Variants in RPRD1A observed in about 807,000 individuals in gnomAD.
RPRD1A encodes regulation of nuclear pre-mRNA domain containing 1A, also known as regulation of nuclear pre-mRNA domain-containing protein 1A.
Under a neutral mutation model 37.8 loss-of-function variants are expected in RPRD1A, and 9 were observed. The observed-to-expected ratio is 0.24, with a 90% confidence interval of 0.14 to 0.42. RPRD1A has a LOEUF of 0.42. RPRD1A is among the 10% of genes least tolerant of loss of function. The pLI is 1.00. For synonymous variants in RPRD1A, 138 were observed against 139.7 expected (o/e 0.99, Z 0.08); for missense variants, 255 against 371.0 (o/e 0.69, Z 2.57).
chr18:35,993,337 T>C (rs1201426769), intron 6 of RPRD1A, 37 bp from the exon 7 acceptor site: 4 of 1,608,678 alleles, frequency 2.5e-6, no homozygotes, highest in Middle Eastern at 1.7e-4. Flanking sequence ...CATTCAGGGA[T>C]TGAAAAAACT....
chr18:36,065,247 CAAAA>C (rs1456086614), intron 1 of RPRD1A, among the ~76,000 whole-genome samples: 1 of 152,162 alleles, frequency 6.6e-6, no homozygotes, highest in African/African-American at 2.4e-5. Flanking sequence ...TATCTATAAA[CAAAA>C]GAAGTACTGT....
intron 4 of RPRD1A, among the ~76,000 whole-genome samples, chr18:36,029,184 G>A (rs1013698276): frequency 2.6e-5 from 4 of 152,180 alleles, no homozygotes; most frequent in Non-Finnish European, 4.4e-5. Context: ...GACTCAGGTC[G>A]TGGCCTTGGT....
intron 6 of RPRD1A, among the ~76,000 whole-genome samples, chr18:36,003,723 G>A (rs753129323): frequency 1.4e-4 from 22 of 152,228 alleles, no homozygotes; most frequent in Middle Eastern, 3.4e-3. Context: ...TAAGAGGTTC[G>A]TATTTTAGTT....
At chr18:36,035,422 AGCCAAAAACATTATTT>A (rs1266666190) in intron 1 of RPRD1A, among the ~76,000 whole-genome samples, 7 of 152,182 alleles carry the variant, frequency 4.6e-5, no homozygotes, top group Admixed American at 3.3e-4. Context: ...GAACAAACAA[AGCCAAAAACATTATTT>A]GCCCTCAGGG....
intron 1 of RPRD1A, among the ~76,000 whole-genome samples, chr18:36,036,963 T>C (rs1425760699): frequency 1.3e-5 from 2 of 152,140 alleles, no homozygotes; most frequent in Non-Finnish European, 2.9e-5. Context: ...TTCCAAACCG[T>C]CCATTCAATT....
chr18:36,034,050 A>C (rs112389234), intron 1 of RPRD1A, among the ~76,000 whole-genome samples: 8 of 152,128 alleles, frequency 5.3e-5, no homozygotes, highest in African/African-American at 1.7e-4. Flanking sequence ...CATCTCGGTG[A>C]CTCTATCCTG....
chr18:36,030,162 T>C (rs112369555), intron 4 of RPRD1A, among the ~76,000 whole-genome samples: 4 of 151,840 alleles, frequency 2.6e-5, no homozygotes, highest in Non-Finnish European at 4.4e-5. Flanking sequence ...GCAGTGATTA[T>C]GTCCAAGAAT....
At chr18:36,028,762 A>G (rs186494176) in intron 4 of RPRD1A, among the ~76,000 whole-genome samples, 1 of 152,334 alleles carries the variant, frequency 6.6e-6, no homozygotes, top group African/African-American at 2.4e-5. Flanking sequence ...TAACACACAC[A>G]CAAAAATGAA....
intron 6 of RPRD1A, among the ~76,000 whole-genome samples, chr18:36,008,573 G>GTGTGTGTGTGTA (rs1555670666): frequency 2.7e-5 from 1 of 36,638 alleles, no homozygotes; most frequent in East Asian, 6.6e-4. Context: ...AAGACCTTGT[G>GTGTGTGTGTGTA]TGTGTATATA....
chr18:36,064,693 T>C (rs1223025924), intron 1 of RPRD1A, among the ~76,000 whole-genome samples: 6 of 152,136 alleles, frequency 3.9e-5, no homozygotes, highest in Non-Finnish European at 8.8e-5. Context: ...CAGCAGGACG[T>C]GGCTGGGGCC....
At chr18:36,025,725 T>G (rs1187591308) in intron 6 of RPRD1A, 1 of 1,042,316 alleles carries the variant, frequency 9.6e-7, no homozygotes, top group African/African-American at 1.7e-5. Flanking sequence ...ACTAAAAGAC[T>G]AAAGACAAAA....
rs142307160 is a variant in RPRD1A, at chr18:35,995,720, G to GA, written c.790-2421dup. Among the ~76,000 whole-genome samples, 1,192 of 152,298 alleles carry GA rather than the reference G, an allele frequency of 7.8e-3. 24 individuals are homozygous for GA. The highest frequency in any genetic ancestry group is 0.027 in the African/African-American group (1,129 of 41,564). On this transcript the variant is annotated intron_variant, in intron 6 of 6. Transcript: ENST00000399022. The stretch of plus-strand genomic sequence containing the variant: ...GACTGACTTCCAAAGAGTACAGTAT[G>GA]AAAAGGAGGGAAAAAAGATTAACTT...
chr18:36,017,818 A>G (rs1285864850), intron 6 of RPRD1A, among the ~76,000 whole-genome samples: 3 of 152,234 alleles, frequency 2.0e-5, no homozygotes, highest in East Asian at 3.8e-4. Context: ...AAGAATGAAC[A>G]CTGGCTTAAG....
intron 1 of RPRD1A, among the ~76,000 whole-genome samples, chr18:36,053,945 T>G (rs1913580890): frequency 6.6e-6 from 1 of 152,006 alleles, no homozygotes; most frequent in Non-Finnish European, 1.5e-5. Flanking sequence ...AACTAGAAGA[T>G]TAGTAATGCC....
In RPRD1A at chr18:36,008,577, G is replaced by GTGTGTATATATATATATATA; in HGVS notation, c.790-15278_790-15277insTATATATATATATATACACA. 7.7e-4 allele frequency among the ~76,000 whole-genome samples: 37 copies of GTGTGTATATATATATATATA among 47,778 alleles called. 1 individual carries two copies. Among genetic ancestry groups the GTGTGTATATATATATATATA allele is most frequent in the Admixed American group, 1.7e-3 (6 of 3,556 alleles). 31.3% of individuals were successfully genotyped at this position (47,778 alleles called of 152,430 possible). On this transcript the variant is annotated intron_variant, in intron 6 of 6. Coordinates refer to ENST00000399022, the MANE Select transcript of RPRD1A (RefSeq NM_018170.5). Reference sequence around the variant, plus strand: ...GGCGACACAGCAAGACCTTGTGTGTGTATATATATATATCTTTAAAAATCT... The same window carrying GTGTGTATATATATATATATA: ...GGCGACACAGCAAGACCTTGTGTGTGTGTGTATATATATATATATATATATATATATATCTTTAAAAATCT...
At chr18:36,017,762 A>T (rs1374796460) in intron 6 of RPRD1A, among the ~76,000 whole-genome samples, 1 of 152,236 alleles carries the variant, frequency 6.6e-6, no homozygotes, top group African/African-American at 2.4e-5. Context: ...ACAGGCACAA[A>T]GGGCAATAGA....
chr18:36,053,637 GTATT>G (rs1159944878), intron 1 of RPRD1A, among the ~76,000 whole-genome samples: 2 of 152,252 alleles, frequency 1.3e-5, no homozygotes, highest in East Asian at 1.9e-4. Flanking sequence ...TTCTTATAAA[GTATT>G]TGTTTGAATA....
intron 1 of RPRD1A, among the ~76,000 whole-genome samples, chr18:36,062,136 T>C (rs1211109016): frequency 1.3e-5 from 2 of 150,376 alleles, no homozygotes; most frequent in African/African-American, 2.5e-5. Flanking sequence ...GCTAACAAGG[T>C]GAAACCCCGT....
rs1911416846 is a variant in RPRD1A, at chr18:36,027,015, T to C, written c.674A>G (p.Asp225Gly). The C allele has an allele frequency of 1.9e-6, 3 of 1,614,076 alleles. No homozygotes were observed. Among genetic ancestry groups the C allele is most frequent in the East Asian group, 2.2e-5 (1 of 44,874 alleles). Reference sequence around the variant, plus strand: ...TTCTGCCGCCAATCTGCCATTGTAATCTGCCAGCAACATACACGCATCCTC... The same window carrying C: ...TTCTGCCGCCAATCTGCCATTGTAACCTGCCAGCAACATACACGCATCCTC... Reference protein sequence around the residue: ...MVEDACMLLADYNGRLAAEID... With the variant: ...MVEDACMLLAGYNGRLAAEID... The change falls in exon 6 of 7, where the codon GAT becomes GGT. Residue 225 changes from aspartate to glycine, a missense_variant. Transcript: ENST00000399022.
Sources: gnomAD v4.1 joint callset for allele counts (sites outside exome capture counted in the v4.1 genomes callset) on GRCh38, gnomAD v4.1.1 for gene constraint, MANE v1.5 for transcripts, NCBI Gene and HGNC (gene_info 2026-07-23, HGNC 2026-07-21) for gene names.